Variants in TRERF1 observed in about 807,000 individuals in gnomAD.
The protein encoded by TRERF1 is transcriptional regulating factor 1, also known as transcriptional-regulating factor 1.
Under a neutral mutation model 122.9 loss-of-function variants are expected in TRERF1, and 27 were observed. The observed-to-expected ratio is 0.22, with a 90% CI of 0.16 to 0.30. The LOEUF (loss-of-function observed/expected upper bound fraction) is 0.30. Among genes scored for constraint, TRERF1 ranks in the 10% least tolerant of loss-of-function variants. The pLI, the probability that TRERF1 is intolerant of heterozygous loss-of-function variation, is 1.00. For synonymous variants in TRERF1, 636 were observed against 641.7 expected, an observed-to-expected ratio of 0.99 and a Z score of 0.13; for missense variants, 1,248 against 1,560.3, an observed-to-expected ratio of 0.80 and a Z score of 3.37.
At chr6:42,264,847 G>A in exon 7 of TRERF1, 1 of 1,614,132 alleles carries the variant, frequency 6.2e-7, no homozygotes, top group Non-Finnish European at 8.5e-7. Context: ...GCTCCTTTGG[G>A]TTGGCCACTG....
At chr6:42,407,946 T>C (rs566732943) in intron 2 of TRERF1, among the ~76,000 whole-genome samples, 1 of 151,580 alleles carries the variant, frequency 6.6e-6, no homozygotes, top group East Asian at 1.9e-4. Context: ...TCCACTGTAT[T>C]GTTTTCACAG....
At chr6:42,399,157 TA>T (rs1382174364) in intron 2 of TRERF1, among the ~76,000 whole-genome samples, 1 of 152,176 alleles carries the variant, frequency 6.6e-6, no homozygotes, top group Non-Finnish European at 1.5e-5. Context: ...TGGTGACTTT[TA>T]AAAAGAAAAC....
intron 2 of TRERF1, among the ~76,000 whole-genome samples, chr6:42,403,260 G>T (rs72857671): frequency 6.6e-6 from 1 of 152,094 alleles, no homozygotes; most frequent in African/African-American, 2.4e-5. Context: ...CGGCCACCTG[G>T]AATCTTAGAA....
At chr6:42,261,968 T>G (rs1777957852) in intron 8 of TRERF1, among the ~76,000 whole-genome samples, 1 of 151,906 alleles carries the variant, frequency 6.6e-6, no homozygotes, top group Non-Finnish European at 1.5e-5. Flanking sequence ...GTCTTTCTCT[T>G]ACCATCTTGA....
intron 3 of TRERF1, among the ~76,000 whole-genome samples, chr6:42,309,096 C>T (rs1276043405): frequency 6.6e-6 from 1 of 152,080 alleles, no homozygotes; most frequent in Admixed American, 6.5e-5. Context: ...GGCCCAGGGA[C>T]CTATTTTTTA....
In TRERF1 at chr6:42,334,034, C is replaced by T. The variant is rs147828593; in HGVS notation, c.-371+28963G>A. On this transcript the variant is annotated intron_variant, in intron 3 of 17. Coordinates refer to ENST00000372922, the Ensembl canonical transcript of TRERF1. ...ACACACACACACACACACGTATGTA[C>T]ACATATATGTATATGTATATGTACA... is the stretch of plus-strand genomic sequence containing the variant. Among the ~76,000 whole-genome samples the T allele has an allele frequency of 3.1e-3, 467 of 150,944 alleles. 3 individuals carry two copies. The highest frequency in any genetic ancestry group is 0.01 in the African/African-American group (420 of 41,016).
chr6:42,271,916 G>A (rs1780286400), intron 4 of TRERF1, among the ~76,000 whole-genome samples: 1 of 152,150 alleles, frequency 6.6e-6, no homozygotes, highest in African/African-American at 2.4e-5. Flanking sequence ...TAGGGCAAGT[G>A]AAATGAAAAT....
intron 3 of TRERF1, among the ~76,000 whole-genome samples, chr6:42,335,606 G>A (rs1047772487): frequency 6.6e-6 from 1 of 152,146 alleles, no homozygotes; most frequent in African/African-American, 2.4e-5. Flanking sequence ...CGGATGGGGC[G>A]TGCCATTGAC....
chr6:42,350,590 T>C (rs1769229439), intron 3 of TRERF1, among the ~76,000 whole-genome samples: 1 of 152,162 alleles, frequency 6.6e-6, no homozygotes. Flanking sequence ...AAATCCTTCC[T>C]GTCAAGTCCA....
At chr6:42,272,054 G>A (rs1340116365) in intron 4 of TRERF1, among the ~76,000 whole-genome samples, 2 of 152,200 alleles carry the variant, frequency 1.3e-5, no homozygotes, top group African/African-American at 2.4e-5. Flanking sequence ...AAACAGTGAT[G>A]TAATAGTTTT....
intron 3 of TRERF1, among the ~76,000 whole-genome samples, chr6:42,310,706 C>T (rs1469040013): frequency 6.6e-6 from 1 of 152,188 alleles, no homozygotes; most frequent in South Asian, 2.1e-4. Context: ...CTCAGCAGAA[C>T]TGGTAGCAGG....
chr6:42,372,465 T>C (rs1773935389), intron 2 of TRERF1, among the ~76,000 whole-genome samples: 1 of 152,196 alleles, frequency 6.6e-6, no homozygotes, highest in Non-Finnish European at 1.5e-5. Flanking sequence ...ACCATTCCCC[T>C]GTGACCACTT....
At position 42,228,468 on chromosome 6, in the gene TRERF1, G is replaced by A; in HGVS notation, c.3480C>T (p.Asp1160=). 1 of 1,614,194 alleles carries A rather than the reference G, an allele frequency of 6.2e-7. No homozygotes were observed. The highest frequency in any genetic ancestry group is 8.5e-7 in the Non-Finnish European group (1 of 1,180,034). Residue 1160 remains aspartate (D), a synonymous_variant, in exon 18 of 18, where the codon GAC becomes GAT. Coordinates refer to ENST00000372922, the Ensembl canonical transcript of TRERF1. This position sits in a 1 kb window ranked among gnomAD's most constrained non-coding sequence, Gnocchi z 4.2. The stretch of plus-strand genomic sequence containing the variant: ...GCTGGACGACGTCGTCGTCGAGGAT[G>A]TCCACATCCTTGATGGGTTTGATCA...
intron 3 of TRERF1, among the ~76,000 whole-genome samples, chr6:42,353,573 T>G (rs1226776260): frequency 6.6e-6 from 1 of 151,688 alleles, no homozygotes; most frequent in Non-Finnish European, 1.5e-5. Flanking sequence ...GGGCAACAAG[T>G]GTGAAACTCC....
chr6:42,334,139 G>T (rs543472607), intron 3 of TRERF1, among the ~76,000 whole-genome samples: 5 of 151,824 alleles, frequency 3.3e-5, no homozygotes, highest in Non-Finnish European at 7.4e-5. Context: ...ACCCTCATGG[G>T]ACAAATATAG....
intron 3 of TRERF1, among the ~76,000 whole-genome samples, chr6:42,362,276 T>A (rs141132957): frequency 1.3e-3 from 201 of 152,152 alleles, no homozygotes; most frequent in African/African-American, 4.6e-3. Context: ...CTGAGCCTCA[T>A]ACAGGAGGAA....
At chr6:42,408,239 A>G (rs12526084) in intron 2 of TRERF1, among the ~76,000 whole-genome samples, 4 of 100,448 alleles carry the variant, frequency 4.0e-5, no homozygotes, top group South Asian at 3.3e-4. Flanking sequence ...GTGTGTGTGT[A>G]TGTATATATA....
At chr6:42,403,083 T>A (rs558485747) in intron 2 of TRERF1, among the ~76,000 whole-genome samples, 1 of 151,690 alleles carries the variant, frequency 6.6e-6, no homozygotes, top group African/African-American at 2.4e-5. Flanking sequence ...AAGAAAGTAC[T>A]GGGGTGCTCA....
chr6:42,390,388 A>G (rs762377108), intron 2 of TRERF1, among the ~76,000 whole-genome samples: 2 of 152,126 alleles, frequency 1.3e-5, no homozygotes, highest in African/African-American at 4.8e-5. Context: ...AGGCACAACC[A>G]TTTAAAACAA....
Sources: allele counts gnomAD v4.1 joint callset (sites outside exome capture counted in the v4.1 genomes callset), GRCh38; gene constraint gnomAD v4.1.1; non-coding constraint Gnocchi (gnomAD v3.1); transcripts MANE v1.5; gene names NCBI Gene and HGNC (gene_info 2026-07-23, HGNC 2026-07-21).